The following GPBP1 variants were observed in gnomAD, a reference collection of about 807,000 sequenced individuals.
The protein encoded by GPBP1 is vasculin.
GPBP1 carries 13 observed loss-of-function variants against 56.5 expected under a neutral mutation model. That is an observed-to-expected ratio of 0.23 (90% CI 0.15 to 0.37). The LOEUF (loss-of-function observed/expected upper bound fraction) is 0.37. Ranked by LOEUF, GPBP1 falls within the 10% of genes least tolerant of loss-of-function variation. The probability of loss-of-function intolerance (pLI) is 1.00; values close to 1 mark genes in which losing one functional copy is unlikely to be tolerated. For missense variants in GPBP1, 477 were observed against 572.3 expected, an observed-to-expected ratio of 0.83 and a Z score of 1.70; for synonymous variants, 204 against 188.9, an observed-to-expected ratio of 1.08 and a Z score of -0.66.
chr5:57,243,055 G>T (rs954935615), intron 6 of GPBP1, among the ~76,000 whole-genome samples: 6 of 149,406 alleles, frequency 4.0e-5, no homozygotes, highest in Admixed American at 3.4e-4. Context: ...GGCCTAATAT[G>T]AATTACTTTT....
At chr5:57,211,575 TTTTGTTGTTGTTG>T (rs1755479095) in intron 2 of GPBP1, among the ~76,000 whole-genome samples, 1 of 138,010 alleles carries the variant, frequency 7.2e-6, no homozygotes, top group African/African-American at 2.8e-5. Flanking sequence ...CCTCCGGGGA[TTTTGTTGTTGTTG>T]TTGTTGTTGT....
At chr5:57,183,917 A>G (rs1415388692) in intron 2 of GPBP1, among the ~76,000 whole-genome samples, 1 of 151,972 alleles carries the variant, frequency 6.6e-6, no homozygotes, top group Non-Finnish European at 1.5e-5. Flanking sequence ...CTGGGACCAC[A>G]GGTGAGTGCT....
In GPBP1 at chr5:57,250,972, T is replaced by A. The variant is rs745684843; in HGVS notation, c.991T>A (p.Leu331Ile). 2.5e-6 allele frequency: 4 copies of A among 1,590,302 alleles called. No individual in the cohort carries two copies. In the African/African-American group the frequency reaches 4.1e-5, roughly 16 times the overall value. The change falls in exon 10 of 12, where the codon TTA becomes ATA. Residue 331 changes from leucine (L) to isoleucine (I), a missense_variant. By Grantham distance (5) the Leu-to-Ile change is conservative (BLOSUM62 2). Transcript: ENST00000506184. The stretch of plus-strand genomic sequence containing the variant: ...AAATCAGGATGACGACTCATTTAAT[T>A]TACATAACAGCAATAGTACTCACCA... ...GSEKDDDSFN[L>I]HNSNSTHQER...
intron 2 of GPBP1, among the ~76,000 whole-genome samples, chr5:57,189,578 A>G (rs1579981522): frequency 6.6e-6 from 1 of 152,182 alleles, no homozygotes; most frequent in African/African-American, 2.4e-5. Context: ...CACTTGAACT[A>G]CTGTGGTAGC....
chr5:57,262,543 G>A, intron 11 of GPBP1, 51 bp from the exon 12 acceptor site: 1 of 1,335,012 alleles, frequency 7.5e-7, no homozygotes, highest in Non-Finnish European at 1.1e-6. Context: ...TATTACAGTA[G>A]GTTTGTAACT....
At chr5:57,194,682 C>T (rs959207943) in intron 2 of GPBP1, among the ~76,000 whole-genome samples, 34 of 152,096 alleles carry the variant, frequency 2.2e-4, no homozygotes, top group African/African-American at 8.2e-4. Context: ...ACTCCCCAGC[C>T]TCTAGTAACC....
intron 6 of GPBP1, among the ~76,000 whole-genome samples, chr5:57,237,846 TA>T (rs372184607): frequency 0.017 from 2,442 of 145,414 alleles, 118 homozygotes; most frequent in East Asian, 0.1. Flanking sequence ...TAATATTTAT[TA>T]AAAAAAAAAA....
At chr5:57,181,282 C>T (rs771738737) in intron 2 of GPBP1, among the ~76,000 whole-genome samples, 8 of 152,076 alleles carry the variant, frequency 5.3e-5, no homozygotes, top group South Asian at 2.1e-4. Context: ...TGGCAGTGAG[C>T]GGTGATTGCA....
chr5:57,208,408 A>G (rs1755328664), intron 2 of GPBP1, among the ~76,000 whole-genome samples: 1 of 151,422 alleles, frequency 6.6e-6, no homozygotes, highest in South Asian at 2.1e-4. Context: ...TGATTTTTTT[A>G]TTTTTAGTAG....
intron 3 of GPBP1, among the ~76,000 whole-genome samples, chr5:57,216,457 C>G (rs894058894): frequency 1.3e-5 from 2 of 152,136 alleles, no homozygotes; most frequent in Non-Finnish European, 2.9e-5. Context: ...CGTGGTGGCT[C>G]ACACCTGTAA....
intron 5 of GPBP1, among the ~76,000 whole-genome samples, chr5:57,233,470 CT>C (rs1296578765): frequency 6.6e-6 from 1 of 152,152 alleles, no homozygotes; most frequent in East Asian, 1.9e-4. Context: ...TTGCTTATAA[CT>C]TTTGGCTCCC....
intron 2 of GPBP1, among the ~76,000 whole-genome samples, chr5:57,187,145 A>G (rs1247887868): frequency 6.6e-6 from 1 of 152,030 alleles, no homozygotes; most frequent in Non-Finnish European, 1.5e-5. Flanking sequence ...TACATTTTCT[A>G]AAATATTTTA....
intron 2 of GPBP1, among the ~76,000 whole-genome samples, chr5:57,202,185 A>G (rs1755049022): frequency 6.6e-6 from 1 of 152,046 alleles, no homozygotes; most frequent in African/African-American, 2.4e-5. Context: ...AGGTTTCACC[A>G]TGTTGACCAG....
chr5:57,221,025 GTATT>G (rs1401440548), intron 3 of GPBP1, among the ~76,000 whole-genome samples: 13 of 152,148 alleles, frequency 8.5e-5, no homozygotes, highest in African/African-American at 2.9e-4. Context: ...TTAAACGGCA[GTATT>G]TATTTTTTGT....
intron 5 of GPBP1, 99 bp downstream of exon 5, chr5:57,231,420 T>C (rs1862173): frequency 0.61 from 549,644 of 905,942 alleles, 172,026 homozygotes; most frequent in East Asian, 0.98. Flanking sequence ...ATTACAGGCA[T>C]CCACCACCAG....
At chr5:57,179,389 C>T (rs1753940320) in intron 2 of GPBP1, among the ~76,000 whole-genome samples, 1 of 152,066 alleles carries the variant, frequency 6.6e-6, no homozygotes, top group Admixed American at 6.6e-5. Flanking sequence ...CGCTCTCTCA[C>T]CCAGATTGGA....
rs140303871 is a variant in GPBP1, at chr5:57,247,147, G to A, written c.736G>A (p.Val246Ile). ...TTTCCCTCATGAGTCCACATTTGGC[G>A]TTGGCAACTTTAATGCTTTTAAATC... ...TSFPHESTFG[V>I]GNFNAFKSTA... The change falls in exon 8 of 12, where the codon GTT becomes ATT. Residue 246 changes from valine (V) to isoleucine (I), a missense_variant. This residue lies in a region of GPBP1 where 414 missense variants were observed against 458.2 expected (regional missense o/e 0.90). Transcript: ENST00000506184. 16 of 1,613,580 alleles carry A rather than the reference G, an allele frequency of 9.9e-6. No individual in the cohort carries two copies. The highest frequency in any genetic ancestry group is 6.7e-5 in the African/African-American group (5 of 74,898).
chr5:57,258,327 C>CAT (rs777600592), intron 10 of GPBP1, among the ~76,000 whole-genome samples: 2 of 152,116 alleles, frequency 1.3e-5, no homozygotes, highest in Non-Finnish European at 2.9e-5. Flanking sequence ...GCGTGAAACT[C>CAT]ATAGAGTGTA....
intron 2 of GPBP1, among the ~76,000 whole-genome samples, chr5:57,198,058 T>C (rs1754843762): frequency 1.3e-5 from 2 of 152,186 alleles, no homozygotes; most frequent in African/African-American, 2.4e-5. Flanking sequence ...GTGTCGTTGT[T>C]ATGTTTATGT....
Sources: gnomAD v4.1 joint callset for allele counts (sites outside exome capture counted in the v4.1 genomes callset) on GRCh38, gnomAD v4.1.1 for gene constraint, gnomAD v4.1.1 regional missense constraint, MANE v1.5 for transcripts, NCBI Gene and HGNC (gene_info 2026-07-23, HGNC 2026-07-21) for gene names.